Variants in DOCK1 observed in about 807,000 individuals in gnomAD.
The protein encoded by DOCK1 is dedicator of cytokinesis protein 1.
A neutral mutation model predicts 262.7 loss-of-function variants in DOCK1; 138 were observed. The observed-to-expected ratio is 0.53, with a 90% CI of 0.46 to 0.61. The LOEUF is 0.61. DOCK1 is among the 20% of genes least tolerant of loss of function. The pLI is 0.00. For synonymous variants in DOCK1, 866 were observed against 867.4 expected (o/e 1.00, Z 0.03); for missense variants, 1,908 against 2,370.7 (o/e 0.80, Z 4.05).
intron 7 of DOCK1, among the ~76,000 whole-genome samples, 170 bp downstream of exon 7, chr10:126,997,053 T>C (rs1257935983): frequency 6.6e-6 from 1 of 152,054 alleles, no homozygotes; most frequent in Non-Finnish European, 1.5e-5. Flanking sequence ...TGGCACAGGA[T>C]GTCACCCATG....
intron 18 of DOCK1, among the ~76,000 whole-genome samples, chr10:127,036,981 G>GAAAAAAAAAAAAA (rs11429952): frequency 1.6e-4 from 20 of 128,018 alleles, no homozygotes; most frequent in East Asian, 4.6e-4. Flanking sequence ...CCATCTCAAG[G>GAAAAAAAAAAAAA]AAAAAAAAAA....
intron 19 of DOCK1, among the ~76,000 whole-genome samples, chr10:127,038,804 G>A (rs4750895): frequency 0.81 from 123,185 of 152,136 alleles, 50,123 homozygotes; most frequent in Admixed American, 0.87. Context: ...TGGTTCTGAT[G>A]TTTTCTGCAG....
rs182583857 is a variant in DOCK1 at position 127,301,439 on chromosome 10, T to A, written c.3045-37567T>A. ...GTGTAAAACACACTTCAGTGAGTACTGTGCTAACCGCTTCTTTTGGTGGAG... is the reference window on the plus strand; with the variant it reads ...GTGTAAAACACACTTCAGTGAGTACAGTGCTAACCGCTTCTTTTGGTGGAG... On this transcript the variant is annotated intron_variant, in intron 29 of 51. Coordinates refer to ENST00000623213, the MANE Select transcript of DOCK1 (RefSeq NM_001290223.2). 1.6e-4 allele frequency among the ~76,000 whole-genome samples: 24 copies of A among 152,342 alleles called. No individual in the cohort carries two copies. The East Asian group carries it at 2.3e-3, about 15-fold the overall frequency.
In DOCK1 at chr10:126,965,667, A is replaced by G. The variant is rs968198664; in HGVS notation, c.47-5035A>G. On this transcript the variant is annotated intron_variant, in intron 1 of 51. Coordinates refer to ENST00000623213, the MANE Select transcript of DOCK1 (RefSeq NM_001290223.2). ...TGTGAAGTGGGCTGATGGGCTTACT[A>G]TGTTTTTTCTCAAGTGAGAGTAGTC... is the stretch of plus-strand genomic sequence containing the variant. Among the ~76,000 whole-genome samples the G allele has an allele frequency of 3.2e-4, 48 of 152,116 alleles. No individual in the cohort carries two copies. In the East Asian group the frequency reaches 4.8e-3, roughly 15 times the overall value.
chr10:127,405,878 GCA>G (rs1230052086), intron 40 of DOCK1, among the ~76,000 whole-genome samples: 15 of 152,306 alleles, frequency 9.8e-5, no homozygotes, highest in Middle Eastern at 3.4e-3. Flanking sequence ...TTGATCAGAA[GCA>G]CAGATTCTGA....
Position 127,175,242 on chromosome 10 carries a change from T to A in DOCK1, c.2847+47478T>A. 6.2e-7 allele frequency: 1 copy of A among 1,613,988 alleles called. No individual in the cohort carries two copies. The highest frequency in any genetic ancestry group is 1.1e-5 in the South Asian group (1 of 91,050). On this transcript the variant is annotated intron_variant, in intron 27 of 51. Transcript: ENST00000623213. This position sits in a 1 kb window ranked among gnomAD's most constrained non-coding sequence, Gnocchi z 6.3. The stretch of plus-strand genomic sequence containing the variant: ...CCGATGGGCCTCTCCTTTTTCCAAC[T>A]CCTGAATGACCCCCAAGAGCACTTT...
intron 47 of DOCK1, among the ~76,000 whole-genome samples, chr10:127,428,674 TGGG>T (rs1352939827): frequency 1.3e-5 from 2 of 148,918 alleles, no homozygotes; most frequent in South Asian, 2.2e-4. Context: ...CCGTGTGGAT[TGGG>T]GTACCGTGTG....
At chr10:127,429,054 G>T (rs1225702198) in intron 47 of DOCK1, among the ~76,000 whole-genome samples, 1 of 142,474 alleles carries the variant, frequency 7.0e-6, no homozygotes, top group African/African-American at 2.5e-5. Flanking sequence ...GTGGATTGGG[G>T]TGCTGTGTGG....
chr10:127,397,963 T>G (rs1476266341), intron 38 of DOCK1, among the ~76,000 whole-genome samples: 3 of 152,160 alleles, frequency 2.0e-5, no homozygotes, highest in Non-Finnish European at 1.5e-5. Context: ...AAGCGACTCC[T>G]GTATTACACA....
At chr10:127,341,656 G>T (rs1227700760) in intron 30 of DOCK1, among the ~76,000 whole-genome samples, 3 of 152,110 alleles carry the variant, frequency 2.0e-5, no homozygotes, top group Admixed American at 6.5e-5. Context: ...CTGCTCTGGT[G>T]GGGGAGCCTG....
chr10:127,020,567 CAA>C (rs772736819), intron 13 of DOCK1, among the ~76,000 whole-genome samples: 4 of 117,158 alleles, frequency 3.4e-5, no homozygotes, highest in Admixed American at 8.9e-5. Flanking sequence ...GAACCTGTCT[CAA>C]AAAAAAAAAA....
intron 38 of DOCK1, among the ~76,000 whole-genome samples, chr10:127,386,786 A>G (rs1010626529): frequency 6.6e-6 from 1 of 152,138 alleles, no homozygotes; most frequent in Non-Finnish European, 1.5e-5. Context: ...CGGTCCATGG[A>G]AAAATTTTCC....
At chr10:127,283,313 G>A (rs2061028482) in intron 29 of DOCK1, among the ~76,000 whole-genome samples, 2 of 152,246 alleles carry the variant, frequency 1.3e-5, no homozygotes, top group African/African-American at 4.8e-5. Flanking sequence ...GGACTGCATA[G>A]CCAGGCAAGC....
At chr10:127,388,962 G>A (rs982168910) in intron 38 of DOCK1, among the ~76,000 whole-genome samples, 2 of 152,200 alleles carry the variant, frequency 1.3e-5, no homozygotes, top group Non-Finnish European at 1.5e-5. Flanking sequence ...GAAAGACGAC[G>A]TCCACACTAG....
At chr10:127,174,075 ACTGT>A (rs2054837411) in intron 27 of DOCK1, among the ~76,000 whole-genome samples, 1 of 152,104 alleles carries the variant, frequency 6.6e-6, no homozygotes, top group African/African-American at 2.4e-5. Context: ...CAGTCAGCAA[ACTGT>A]CTAACTCAGC....
intron 1 of DOCK1, among the ~76,000 whole-genome samples, chr10:126,921,906 T>C (rs1366454952): frequency 1.3e-5 from 2 of 151,738 alleles, no homozygotes; most frequent in South Asian, 4.2e-4. Context: ...CAAGGCTAGG[T>C]AATTTATAAG....
chr10:127,052,587 A>G, intron 21 of DOCK1, 94 bp from the exon 22 acceptor site: 2 of 1,570,510 alleles, frequency 1.3e-6, no homozygotes, highest in Non-Finnish European at 1.7e-6. Flanking sequence ...TGGAAACCAA[A>G]TAAAAGTAAC....
At chr10:127,008,157 G>A (rs886609346) in intron 10 of DOCK1, among the ~76,000 whole-genome samples, 5 of 152,170 alleles carry the variant, frequency 3.3e-5, no homozygotes, top group African/African-American at 1.2e-4. Context: ...GAGGGCAGTG[G>A]TGTGAATTCT....
chr10:127,253,110 G>A (rs1236571825), intron 28 of DOCK1, among the ~76,000 whole-genome samples: 6 of 152,052 alleles, frequency 3.9e-5, no homozygotes, highest in Non-Finnish European at 7.3e-5. Context: ...TTTTGGATTC[G>A]AACCACAAAG....
Sources: allele counts gnomAD v4.1 joint callset (sites outside exome capture counted in the v4.1 genomes callset), GRCh38; gene constraint gnomAD v4.1.1; non-coding constraint Gnocchi (gnomAD v3.1); transcripts MANE v1.5; gene names NCBI Gene and HGNC (gene_info 2026-07-23, HGNC 2026-07-21).